TAX1BP1: variants seen among roughly 807,000 people sequenced by gnomAD.
The protein encoded by TAX1BP1 is Tax1 binding protein 1.
Under a neutral mutation model 97.7 loss-of-function variants are expected in TAX1BP1, and 62 were observed. The observed-to-expected ratio is 0.63, with a 90% confidence interval of 0.52 to 0.78. TAX1BP1 has a LOEUF of 0.78. Ranked by LOEUF, TAX1BP1 falls within the 30% of genes least tolerant of loss-of-function variation. TAX1BP1 has a pLI of 0.00. For synonymous variants in TAX1BP1, 340 were observed against 304.2 expected, an observed-to-expected ratio of 1.12 and a Z score of -1.23; for missense variants, 867 against 916.1, an observed-to-expected ratio of 0.95 and a Z score of 0.69.
chr7:27,826,303 TCA>T (rs1791175953), intron 15 of TAX1BP1, among the ~76,000 whole-genome samples: 1 of 152,220 alleles, frequency 6.6e-6, no homozygotes, highest in Non-Finnish European at 1.5e-5. Context: ...CCTATGGGAC[TCA>T]CAGATAAACA....
chr7:27,752,208 A>G (rs963851871), intron 2 of TAX1BP1, among the ~76,000 whole-genome samples: 2 of 152,336 alleles, frequency 1.3e-5, no homozygotes, highest in East Asian at 1.9e-4. Flanking sequence ...GTAATAATCC[A>G]TAAGTAGAAT....
intron 5 of TAX1BP1, among the ~76,000 whole-genome samples, chr7:27,775,379 A>G (rs1788991923): frequency 6.6e-6 from 1 of 152,210 alleles, no homozygotes; most frequent in Admixed American, 6.5e-5. Flanking sequence ...AAACTCATTG[A>G]TAATACAATT....
At chr7:27,808,135 TCTGGG>T (rs1238514929) in intron 13 of TAX1BP1, among the ~76,000 whole-genome samples, 2 of 152,196 alleles carry the variant, frequency 1.3e-5, no homozygotes, top group Admixed American at 1.3e-4. Context: ...GAAACCAAGA[TCTGGG>T]CTGTAGGTGT....
chr7:27,754,119 C>T (rs940030607), intron 2 of TAX1BP1, among the ~76,000 whole-genome samples: 1 of 151,936 alleles, frequency 6.6e-6, no homozygotes, highest in African/African-American at 2.4e-5. Context: ...CAAAACCTCC[C>T]TGTAAGGTAC....
chr7:27,764,079 GC>G (rs1562705696), intron 3 of TAX1BP1, among the ~76,000 whole-genome samples: 1 of 152,156 alleles, frequency 6.6e-6, no homozygotes, highest in East Asian at 1.9e-4. Context: ...TATGCCCTTT[GC>G]CCATCTTCGT....
intron 13 of TAX1BP1, among the ~76,000 whole-genome samples, chr7:27,804,252 T>C (rs545859876): frequency 6.6e-6 from 1 of 152,348 alleles, no homozygotes; most frequent in East Asian, 1.9e-4. Context: ...AAATCATGTA[T>C]CATAAAAGAG....
rs1461635628 is a variant in TAX1BP1 at position 27,828,950 on chromosome 7, C to G, written c.*121C>G. 1 of 721,456 alleles carries G rather than the reference C, an allele frequency of 1.4e-6. No individual in the cohort carries two copies. Among genetic ancestry groups the G allele is most frequent in the African/African-American group, 1.8e-5 (1 of 55,400 alleles). The allele number at this position is 721,456 out of a possible 1,614,324, so 44.7% of individuals were successfully genotyped here. ...TTTCATGCACCCTTTACTGCACTTT[C>G]TGACCAGGAGCTACTTTGAGTTTGG... On this transcript the variant is annotated 3_prime_UTR_variant, in exon 17 of 17. Transcript: ENST00000396319.
intron 13 of TAX1BP1, among the ~76,000 whole-genome samples, chr7:27,815,829 T>C (rs913530169): frequency 2.0e-5 from 3 of 151,106 alleles, no homozygotes; most frequent in African/African-American, 7.3e-5. Context: ...AGGTCAGGAG[T>C]TCAAGACCAG....
chr7:27,793,064 A>G lies in TAX1BP1; in HGVS notation c.1264-2A>G, dbSNP rs1295474761. 6.3e-7 allele frequency: 1 copy of G among 1,578,762 alleles called. No homozygotes were observed. The highest frequency in any genetic ancestry group is 8.5e-7 in the Non-Finnish European group (1 of 1,171,394). ...TTTCTTCAAATGTTTGTTTCTTTCT[A>G]GGACAAGACTGATACACTGGAACAC... On this transcript the variant is annotated splice_acceptor_variant, in intron 9 of 16. Transcript: ENST00000396319. LOFTEE classifies it high-confidence loss of function.
At chr7:27,822,975 CT>C (rs1257261303) in intron 15 of TAX1BP1, among the ~76,000 whole-genome samples, 2 of 151,980 alleles carry the variant, frequency 1.3e-5, no homozygotes, top group Non-Finnish European at 2.9e-5. Flanking sequence ...CAAAGTAAAG[CT>C]TTTGAAAACT....
At chr7:27,749,460 T>C (rs1196602050) in intron 2 of TAX1BP1, among the ~76,000 whole-genome samples, 2 of 152,220 alleles carry the variant, frequency 1.3e-5, no homozygotes, top group Admixed American at 1.3e-4. Context: ...TTAGTTAAGA[T>C]TTTTATGGGC....
chr7:27,821,175 C>T (rs776521894), intron 15 of TAX1BP1, among the ~76,000 whole-genome samples: 1 of 152,154 alleles, frequency 6.6e-6, no homozygotes, highest in Non-Finnish European at 1.5e-5. Flanking sequence ...TAATATATAG[C>T]TGGTTGGCAT....
chr7:27,816,945 C>A lies in TAX1BP1; in HGVS notation c.1992C>A (p.Val664=). The A allele has an allele frequency of 6.2e-7, 1 of 1,614,038 alleles. No homozygotes were observed. The highest frequency in any genetic ancestry group is 8.5e-7 in the Non-Finnish European group (1 of 1,179,988). ...AAATACAAAGGCCACCTGTCAGAGTCCCCTCTTGGGGACTGGAAGACAATG... is the reference window on the plus strand; with the variant it reads ...AAATACAAAGGCCACCTGTCAGAGTACCCTCTTGGGGACTGGAAGACAATG... The part of the protein sequence containing the change: ...PDEIQRPPVR[V]PSWGLEDNVV... The change falls in exon 15 of 17, where the codon GTC becomes GTA. Residue 664 remains valine, a synonymous_variant. Coordinates refer to ENST00000396319, the MANE Select transcript of TAX1BP1 (RefSeq NM_006024.7).
chr7:27,814,703 A>G (rs1468370844), intron 13 of TAX1BP1, among the ~76,000 whole-genome samples: 1 of 151,952 alleles, frequency 6.6e-6, no homozygotes, highest in Non-Finnish European at 1.5e-5. Flanking sequence ...TTGATCTTGT[A>G]TACTGCAACC....
At chr7:27,741,764 A>G (rs898225448) in intron 1 of TAX1BP1, among the ~76,000 whole-genome samples, 2 of 152,132 alleles carry the variant, frequency 1.3e-5, no homozygotes, top group African/African-American at 2.4e-5. Flanking sequence ...AAATAAGGGG[A>G]TCCGGGGAAC....
chr7:27,785,304 T>C lies in TAX1BP1; in HGVS notation c.754T>C (p.Leu252=). 6.2e-7 allele frequency: 1 copy of C among 1,606,128 alleles called. No homozygotes were observed. Among genetic ancestry groups the C allele is most frequent in the South Asian group, 1.1e-5 (1 of 88,482 alleles). The change falls in exon 6 of 17, where the codon TTA becomes CTA. Residue 252 remains leucine, a synonymous_variant. Transcript: ENST00000396319. ...THKAIEKETE[L]DSLKDKLKKA... is the part of the protein sequence containing the mutation. ...TAAAGCAATTGAAAAAGAAACCGAA[T>C]TAGACAGGTATTTCTCATGCTTTTA...
At chr7:27,825,482 AGATG>A (rs1791143690) in intron 15 of TAX1BP1, among the ~76,000 whole-genome samples, 1 of 152,144 alleles carries the variant, frequency 6.6e-6, no homozygotes, top group Admixed American at 6.5e-5. Flanking sequence ...TGCTCTGGGT[AGATG>A]GTTCATGTTT....
At chr7:27,758,161 TGAAACTA>T in intron 3 of TAX1BP1, 28 bp downstream of exon 3, 1 of 1,500,402 alleles carries the variant, frequency 6.7e-7, no homozygotes, top group African/African-American at 1.4e-5. Flanking sequence ...CAGAACTCAA[TGAAACTA>T]GATGTCTTAT....
At chr7:27,740,146 G>A (rs2237340), upstream of TAX1BP1, 34,559 of 152,216 alleles carry the variant, frequency 0.23, 5,015 homozygotes, top group East Asian at 0.52. Context: ...TGTCGGCTGG[G>A]AGGGGAGGTG....
Sources: gnomAD v4.1 joint callset for allele counts (sites outside exome capture counted in the v4.1 genomes callset) on GRCh38, gnomAD v4.1.1 for gene constraint, MANE v1.5 for transcripts, NCBI Gene and HGNC (gene_info 2026-07-23, HGNC 2026-07-21) for gene names.